Variants in NF1 observed in about 807,000 individuals in gnomAD.
NF1 encodes the protein neurofibromin.
In NF1, 122 loss-of-function variants were observed where a neutral mutation model predicts 325.7. That is an observed-to-expected ratio of 0.37 (90% CI 0.32 to 0.44). NF1 has a LOEUF of 0.44. Ranked by LOEUF, NF1 falls within the 20% of genes least tolerant of loss-of-function variation. NF1 has a pLI of 1.00. For synonymous variants in NF1, 1,091 were observed against 1,186.0 expected (o/e 0.92, Z 1.65); for missense variants, 2,140 against 3,415.4 (o/e 0.63, Z 9.31).
chr17:31,358,286 A>G lies in NF1; in HGVS notation c.7971-194A>G, dbSNP rs17887204. 4.5e-3 allele frequency: 2,729 copies of G among 613,240 alleles called. 62 individuals are homozygous for G. Among genetic ancestry groups the G allele is most frequent in the African/African-American group, 0.044 (2,373 of 54,132 alleles). 38.0% of individuals were successfully genotyped at this position (613,240 alleles called of 1,614,324 possible). A position where few individuals can be genotyped will look rare whatever the true frequency, so the allele number is the denominator to read the frequency against. Reference sequence around the variant, plus strand: ...CCCTGGTGACTAAAAACAAAAGACAAACAAAAACAGACACACACACATGTT... The same window carrying G: ...CCCTGGTGACTAAAAACAAAAGACAGACAAAAACAGACACACACACATGTT... On this transcript the variant is annotated intron_variant, in intron 54 of 57. Transcript: ENST00000358273.
At chr17:31,118,973 T>A (rs1432981442) in intron 1 of NF1, among the ~76,000 whole-genome samples, 1 of 151,604 alleles carries the variant, frequency 6.6e-6, no homozygotes, top group African/African-American at 2.4e-5. Flanking sequence ...TCTCACTGTG[T>A]TGCCAGGCTG....
Position 31,280,165 on chromosome 17 carries a change from T to C in NF1, c.4835+14826T>C, listed in dbSNP as rs114524104. ...CAAATTTTTTCTGTAAAGGACCAAA[T>C]AGTAAACATTTTAGGCTTTATAGCC... is the stretch of plus-strand genomic sequence containing the variant. On this transcript the variant is annotated intron_variant, in intron 36 of 57. Transcript: ENST00000358273. 9.4e-3 allele frequency among the ~76,000 whole-genome samples: 1,424 copies of C among 152,120 alleles called. 23 individuals carry two copies. Among genetic ancestry groups the C allele is most frequent in the African/African-American group, 0.032 (1,341 of 41,504 alleles).
intron 16 of NF1, among the ~76,000 whole-genome samples, chr17:31,224,554 C>T (rs186851533): frequency 2.8e-4 from 43 of 152,234 alleles, no homozygotes; most frequent in Admixed American, 1.2e-3. Context: ...AGACTTCAGA[C>T]TTTCATGGCC....
At chr17:31,198,293 A>AAG (rs1367514805) in intron 8 of NF1, among the ~76,000 whole-genome samples, 1 of 152,174 alleles carries the variant, frequency 6.6e-6, no homozygotes, top group Admixed American at 6.5e-5. Flanking sequence ...AGAACTAATG[A>AAG]AGAGAAGTGT....
intron 36 of NF1, among the ~76,000 whole-genome samples, chr17:31,303,363 T>G (rs1403027408): frequency 6.6e-6 from 1 of 152,150 alleles, no homozygotes; most frequent in African/African-American, 2.4e-5. Flanking sequence ...ACTTACCAAT[T>G]GTCAGATAAT....
At chr17:31,304,536 G>C in intron 36 of NF1, 1 of 1,614,162 alleles carries the variant, frequency 6.2e-7, no homozygotes, top group Non-Finnish European at 8.5e-7. Context: ...TTGTCATTGT[G>C]GGTTTGTCAG....
At chr17:31,159,191 A>G (rs1202981984) in intron 3 of NF1, 98 bp downstream of exon 3, 4 of 863,020 alleles carry the variant, frequency 4.6e-6, no homozygotes, top group Middle Eastern at 2.2e-4. Context: ...GGACAGTCCT[A>G]TGGACTTTTG....
intron 1 of NF1, among the ~76,000 whole-genome samples, chr17:31,143,780 A>G (rs1916396007): frequency 6.6e-6 from 1 of 152,048 alleles, no homozygotes; most frequent in Admixed American, 6.6e-5. Flanking sequence ...ATATTTCAGT[A>G]CTTGGTCATG....
chr17:31,157,638 A>G (rs2065687077), intron 2 of NF1, among the ~76,000 whole-genome samples: 1 of 152,040 alleles, frequency 6.6e-6, no homozygotes, highest in Admixed American at 6.5e-5. Flanking sequence ...GGAATATTGA[A>G]TATTCTCTTG....
At chr17:31,343,648 G>A (rs961380859) in intron 48 of NF1, among the ~76,000 whole-genome samples, 2 of 152,012 alleles carry the variant, frequency 1.3e-5, no homozygotes, top group African/African-American at 2.4e-5. Flanking sequence ...TATCAAATTT[G>A]CCTGAAAAAC....
chr17:31,343,910 C>T (rs1041390163), intron 48 of NF1, among the ~76,000 whole-genome samples: 1 of 150,300 alleles, frequency 6.7e-6, no homozygotes. Flanking sequence ...GGGCCATGAT[C>T]GTGCCACTGC....
At chr17:31,154,950 G>A (rs2143617557) in intron 1 of NF1, among the ~76,000 whole-genome samples, 1 of 152,076 alleles carries the variant, frequency 6.6e-6, no homozygotes, top group Admixed American at 6.5e-5. Context: ...TGTTGGCCAG[G>A]TTGGTCTCAA....
Position 31,159,004 on chromosome 17 carries a change from T to A in NF1, c.205-6T>A, listed in dbSNP as rs1243948503. Reference sequence around the variant, plus strand: ...ACTTTTATGTTCTGAATATCTTTTCTGTTAGAGAATATTTGGAGAAGCTGC... The same window carrying A: ...ACTTTTATGTTCTGAATATCTTTTCAGTTAGAGAATATTTGGAGAAGCTGC... On this transcript the variant is annotated splice_region_variant and splice_polypyrimidine_tract_variant and intron_variant, in intron 2 of 57. Transcript: ENST00000358273. The A allele has an allele frequency of 6.6e-7, 1 of 1,524,816 alleles. No homozygotes were observed. Among genetic ancestry groups the A allele is most frequent in the Non-Finnish European group, 9.1e-7 (1 of 1,099,070 alleles). The allele number at this position is 1,524,816 out of a possible 1,614,324, so 94.5% of individuals were successfully genotyped here.
rs2081100554 is a variant in NF1 at position 31,189,656 on chromosome 17, G to A, written c.888+6991G>A. 2.0e-5 allele frequency among the ~76,000 whole-genome samples: 3 copies of A among 151,906 alleles called. No homozygotes were observed. In the South Asian group the frequency reaches 6.2e-4, roughly 32 times the overall value. The stretch of plus-strand genomic sequence containing the variant: ...ATTCAGCATGTTATGTTTTTGTCTG[G>A]CAGGTGCCAAGATTTTTGAAGTATG... On this transcript the variant is annotated intron_variant, in intron 8 of 57. Coordinates refer to ENST00000358273, the MANE Select transcript of NF1 (RefSeq NM_001042492.3).
At chr17:31,170,601 A>G (rs1171109925) in intron 5 of NF1, among the ~76,000 whole-genome samples, 1 of 152,222 alleles carries the variant, frequency 6.6e-6, no homozygotes, top group East Asian at 1.9e-4. Context: ...GTGACTTTAA[A>G]GCTTGGGAAG....
chr17:31,358,284 C>T, intron 54 of NF1, 196 bp from the exon 55 acceptor site: 3 of 605,624 alleles, frequency 5.0e-6, no homozygotes, highest in South Asian at 4.0e-5. Flanking sequence ...AAACAAAAGA[C>T]AAACAAAAAC....
chr17:31,214,420 G>A lies in NF1; in HGVS notation c.1393-31G>A, dbSNP rs564424477. 252 of 1,550,210 alleles carry A rather than the reference G, an allele frequency of 1.6e-4. 4 individuals carry two copies. In the South Asian group the frequency reaches 2.7e-3, roughly 17 times the overall value. ...GGATAGCTATTATCCTGAGTCTTAT[G>A]TCTGATACCATGTTTTTGTTTTGTT... On this transcript the variant is annotated intron_variant, in intron 12 of 57. Transcript: ENST00000358273.
chr17:31,205,480 TTAA>T (rs2066603438), intron 11 of NF1, among the ~76,000 whole-genome samples: 1 of 152,146 alleles, frequency 6.6e-6, no homozygotes, highest in Admixed American at 6.5e-5. Flanking sequence ...TTGTCATTTT[TTAA>T]TAATATATCA....
At position 31,367,441 on chromosome 17, in the gene NF1, C is replaced by G. The variant is rs555775512; in HGVS notation, c.8378-6572C>G. Among the ~76,000 whole-genome samples the G allele has an allele frequency of 2.2e-3, 331 of 152,236 alleles. 1 individual carries two copies. The highest frequency in any genetic ancestry group is 7.5e-3 in the African/African-American group (311 of 41,550). ...CACTTTATAAGGTCTTGGTACTTAA[C>G]AGGAATTGCACGGCCAGTGTGTGGC... On this transcript the variant is annotated intron_variant, in intron 57 of 57. Transcript: ENST00000358273.
Sources: allele counts gnomAD v4.1 joint callset (sites outside exome capture counted in the v4.1 genomes callset), GRCh38; gene constraint gnomAD v4.1.1; transcripts MANE v1.5; gene names NCBI Gene and HGNC (gene_info 2026-07-23, HGNC 2026-07-21).